The following CACUL1 variants were observed in gnomAD, a reference collection of about 807,000 sequenced individuals.
The protein encoded by CACUL1 is CDK2 associated cullin domain 1, also known as CDK2-associated and cullin domain-containing protein 1.
CACUL1 carries 13 observed loss-of-function variants against 45.2 expected under a neutral mutation model. The observed-to-expected ratio is 0.29, with a 90% CI of 0.19 to 0.46. The LOEUF (loss-of-function observed/expected upper bound fraction) is 0.46, where lower values mean the gene tolerates loss of function less well. Ranked by LOEUF, CACUL1 falls within the 20% of genes least tolerant of loss-of-function variation. The pLI, the probability that CACUL1 is intolerant of heterozygous loss-of-function variation, is 1.00. For missense variants in CACUL1, 421 were observed against 471.4 expected (o/e 0.89, Z 0.99); for synonymous variants, 197 against 174.2 (o/e 1.13, Z -1.03).
rs1359922326 is a variant in CACUL1, at chr10:118,677,359, T to C, written c.*8769A>G. 1 of 152,206 alleles carries C rather than the reference T, an allele frequency of 6.6e-6. No individual in the cohort carries two copies. The highest frequency in any genetic ancestry group is 1.5e-5 in the Non-Finnish European group (1 of 68,038). 9.4% of individuals were successfully genotyped at this position (152,206 alleles called of 1,614,324 possible). A position where few individuals can be genotyped will look rare whatever the true frequency, so the allele number is the denominator to read the frequency against. ...TGAGTTTTTTAGATTATATAAATACTGTTGGTTATCTGAATTGGCTTTACA... is the reference window on the plus strand; with the variant it reads ...TGAGTTTTTTAGATTATATAAATACCGTTGGTTATCTGAATTGGCTTTACA... On this transcript the variant is annotated 3_prime_UTR_variant, in exon 9 of 9. Coordinates refer to ENST00000369151, the MANE Select transcript of CACUL1 (RefSeq NM_153810.5).
rs1476808945 is a variant in CACUL1, at chr10:118,681,390, T to C, written c.*4738A>G. On this transcript the variant is annotated 3_prime_UTR_variant, in exon 9 of 9. Transcript: ENST00000369151. Reference sequence around the variant, plus strand: ...TATCCTGAAGTGTGTGGCTGTAATATTGACAAATAGAACTAATGAGAGTGA... The same window carrying C: ...TATCCTGAAGTGTGTGGCTGTAATACTGACAAATAGAACTAATGAGAGTGA... 1 of 152,246 alleles carries C rather than the reference T, an allele frequency of 6.6e-6. No homozygotes were observed. Among genetic ancestry groups the C allele is most frequent in the Non-Finnish European group, 1.5e-5 (1 of 68,036 alleles). The allele number at this position is 152,246 out of a possible 1,614,324, so 9.4% of individuals were successfully genotyped here.
At chr10:118,690,296 A>G (rs1845250577) in intron 7 of CACUL1, among the ~76,000 whole-genome samples, 1 of 118,962 alleles carries the variant, frequency 8.4e-6, no homozygotes, top group Non-Finnish European at 1.6e-5. Flanking sequence ...CGACAGAGCG[A>G]GACTCCGTCT....
chr10:118,731,212 T>C (rs917733494), intron 1 of CACUL1, among the ~76,000 whole-genome samples: 4 of 152,172 alleles, frequency 2.6e-5, no homozygotes, highest in African/African-American at 7.2e-5. Flanking sequence ...CTATATTCTG[T>C]GTCATGAATC....
At position 118,730,291 on chromosome 10, in the gene CACUL1, T is replaced by A. The variant is rs1408680957; in HGVS notation, c.487A>T (p.Ile163Leu). Residue 163 changes from isoleucine to leucine, a missense_variant, in exon 2 of 9, where the codon ATA becomes TTA. Transcript: ENST00000369151. ...GDYIPISYEQ[I>L]YSCVYKCVCQ... ...AATTAAATCTTAACTTACCTGTATA[T>A]CTGTTCATAGGATATGGGGATATAG... The A allele has an allele frequency of 6.2e-7, 1 of 1,613,826 alleles. No homozygotes were observed. The highest frequency in any genetic ancestry group is 8.5e-7 in the Non-Finnish European group (1 of 1,179,868).
intron 1 of CACUL1, among the ~76,000 whole-genome samples, chr10:118,734,596 T>C (rs1845724232): frequency 6.6e-6 from 1 of 152,176 alleles, no homozygotes; most frequent in Non-Finnish European, 1.5e-5. Flanking sequence ...GCTAATAACA[T>C]ACATAAGTAA....
At chr10:118,746,209 C>T (rs956188139) in intron 1 of CACUL1, among the ~76,000 whole-genome samples, 1 of 149,214 alleles carries the variant, frequency 6.7e-6, no homozygotes, top group African/African-American at 2.5e-5. Context: ...TAAAGTCAGA[C>T]ATTCCATCAT....
intron 4 of CACUL1, among the ~76,000 whole-genome samples, chr10:118,704,208 G>A (rs10886289): frequency 2.0e-5 from 3 of 150,592 alleles, no homozygotes; most frequent in South Asian, 2.1e-4. Context: ...AGATCCCATC[G>A]CTACTGAAAA....
intron 1 of CACUL1, among the ~76,000 whole-genome samples, chr10:118,744,473 G>A (rs1163323274): frequency 1.3e-5 from 2 of 152,168 alleles, no homozygotes; most frequent in Non-Finnish European, 2.9e-5. Flanking sequence ...GGATGCCAGG[G>A]GCAGGGAGAA....
intron 3 of CACUL1, among the ~76,000 whole-genome samples, chr10:118,722,169 C>T (rs538003969): frequency 5.5e-4 from 83 of 151,768 alleles, no homozygotes; most frequent in Admixed American, 1.1e-3. Context: ...CTGCAACCTC[C>T]GCCTCCCAGG....
intron 1 of CACUL1, among the ~76,000 whole-genome samples, chr10:118,747,774 G>A (rs995933650): frequency 2.6e-5 from 4 of 152,094 alleles, no homozygotes; most frequent in African/African-American, 4.8e-5. Flanking sequence ...AGCAGGCAGC[G>A]TTAACTGACT....
rs745355509 is a variant in CACUL1 at position 118,691,339 on chromosome 10, C to T, written c.951G>A (p.Val317=). Residue 317 remains valine (V), a synonymous_variant, in exon 7 of 9, where the codon GTG becomes GTA. Coordinates refer to ENST00000369151, the MANE Select transcript of CACUL1 (RefSeq NM_153810.5). Reference sequence around the variant, plus strand: ...CAGCATATTCAGAAAGTTCAGATTCCACCGCCGGAGGGAGAATGTTTGGAA... The same window carrying T: ...CAGCATATTCAGAAAGTTCAGATTCTACCGCCGGAGGGAGAATGTTTGGAA... ...KFIPNILPPA[V]ESELSEYAAQ... is the part of the protein sequence containing the mutation. 2 of 1,612,616 alleles carry T rather than the reference C, an allele frequency of 1.2e-6. No homozygotes were observed. Among genetic ancestry groups the T allele is most frequent in the South Asian group, 2.2e-5 (2 of 91,040 alleles).
rs1359128683 is a variant in CACUL1 at position 118,679,064 on chromosome 10, C to CACT, written c.*7061_*7063dup. On this transcript the variant is annotated 3_prime_UTR_variant, in exon 9 of 9. Coordinates refer to ENST00000369151, the MANE Select transcript of CACUL1 (RefSeq NM_153810.5). ...TTAAATATTTTTCTCGACAGGGTCTCACTCTGTTATCCTAGCTGAAATGCA... is the reference window on the plus strand; with the variant it reads ...TTAAATATTTTTCTCGACAGGGTCTCACTACTCTGTTATCCTAGCTGAAATGCA... The CACT allele has an allele frequency of 6.6e-6, 1 of 152,176 alleles. No homozygotes were observed. The highest frequency in any genetic ancestry group is 2.4e-5 in the African/African-American group (1 of 41,432). The allele number at this position is 152,176 out of a possible 1,614,324, so 9.4% of individuals were successfully genotyped here. A position where few individuals can be genotyped will look rare whatever the true frequency, so the allele number is the denominator to read the frequency against.
At chr10:118,745,844 TA>T (rs1414828982) in intron 1 of CACUL1, among the ~76,000 whole-genome samples, 1 of 151,644 alleles carries the variant, frequency 6.6e-6, no homozygotes, top group South Asian at 2.1e-4. Flanking sequence ...TGCCTACAAG[TA>T]AAAGTAGTCT....
rs781321353 is a variant in CACUL1 at position 118,681,039 on chromosome 10, A to G, written c.*5089T>C. ...TACCACAATGTTTTAGAGTGAAAGT[A>G]TATGCCCTAATACAGAAGGAGTGAT... On this transcript the variant is annotated 3_prime_UTR_variant, in exon 9 of 9. Transcript: ENST00000369151. 19 of 152,248 alleles carry G rather than the reference A, an allele frequency of 1.2e-4. No individual in the cohort carries two copies. Among genetic ancestry groups the G allele is most frequent in the Non-Finnish European group, 2.4e-4 (16 of 68,034 alleles). The allele number at this position is 152,248 out of a possible 1,614,324, so 9.4% of individuals were successfully genotyped here. A position where few individuals can be genotyped will look rare whatever the true frequency, so the allele number is the denominator to read the frequency against.
chr10:118,730,559 A>T, intron 1 of CACUL1, 149 bp from the exon 2 acceptor site: 2 of 767,260 alleles, frequency 2.6e-6, no homozygotes, highest in Non-Finnish European at 4.0e-6. Context: ...TTCAATTAAA[A>T]ACAAAAAAGG....
chr10:118,704,688 T>G (rs983168298), intron 4 of CACUL1, among the ~76,000 whole-genome samples: 4 of 152,212 alleles, frequency 2.6e-5, no homozygotes, highest in African/African-American at 9.6e-5. Context: ...TTTTTGTATA[T>G]TCACAAACCA....
In CACUL1 at chr10:118,684,694, C is replaced by G. The variant is rs184288147; in HGVS notation, c.*1434G>C. 1 of 152,122 alleles carries G rather than the reference C, an allele frequency of 6.6e-6. No homozygotes were observed. Among genetic ancestry groups the G allele is most frequent in the Non-Finnish European group, 1.5e-5 (1 of 68,024 alleles). 9.4% of individuals were successfully genotyped at this position (152,122 alleles called of 1,614,324 possible). On this transcript the variant is annotated 3_prime_UTR_variant, in exon 9 of 9. Coordinates refer to ENST00000369151, the MANE Select transcript of CACUL1 (RefSeq NM_153810.5). Reference sequence around the variant, plus strand: ...ACTCTCCCACCCACACCACTCCCCCCAAAAAATAAACTGAATTGGCAGAGG... The same window carrying G: ...ACTCTCCCACCCACACCACTCCCCCGAAAAAATAAACTGAATTGGCAGAGG...
intron 3 of CACUL1, among the ~76,000 whole-genome samples, chr10:118,713,345 C>T (rs1275168087): frequency 1.3e-5 from 2 of 152,218 alleles, no homozygotes; most frequent in African/African-American, 4.8e-5. Flanking sequence ...CCTGAGTCCA[C>T]AGCTGTGGAT....
At chr10:118,687,610 CAG>C (rs527681776) in intron 7 of CACUL1, among the ~76,000 whole-genome samples, 67 of 152,290 alleles carry the variant, frequency 4.4e-4, no homozygotes, top group African/African-American at 1.6e-3. Flanking sequence ...ATGTAGAAGA[CAG>C]ATTAGTTCAT....
Sources: gnomAD v4.1 joint callset for allele counts (sites outside exome capture counted in the v4.1 genomes callset) on GRCh38, gnomAD v4.1.1 for gene constraint, MANE v1.5 for transcripts, NCBI Gene and HGNC (gene_info 2026-07-23, HGNC 2026-07-21) for gene names.